ANK3: variants seen among roughly 807,000 people sequenced by gnomAD.
ANK3 encodes ankyrin-3.
Under a neutral mutation model 370.9 loss-of-function variants are expected in ANK3, and 57 were observed. The observed-to-expected ratio is 0.15, with a 90% CI of 0.12 to 0.19. The LOEUF is 0.19. Among genes scored for constraint, ANK3 ranks in the 10% least tolerant of loss-of-function variants. The probability of loss-of-function intolerance (pLI) is 1.00; values close to 1 mark genes in which losing one functional copy is unlikely to be tolerated. For missense variants in ANK3, 4,439 were observed against 5,302.1 expected, an observed-to-expected ratio of 0.84 and a Z score of 5.06; for synonymous variants, 1,929 against 1,946.3, an observed-to-expected ratio of 0.99 and a Z score of 0.23.
Position 60,055,903 on chromosome 10 carries a change from C to T in ANK3, c.12820G>A (p.Val4274Ile). 6.2e-7 allele frequency: 1 copy of T among 1,614,176 alleles called. No individual in the cohort carries two copies. The change falls in exon 42 of 44, where the codon GTA (valine) becomes ATA (isoleucine). Residue 4274 changes from valine (V) to isoleucine (I), a missense_variant. Val to Ile is a conservative substitution (Grantham distance 29, BLOSUM62 3). Coordinates refer to ENST00000280772, the MANE Select transcript of ANK3 (RefSeq NM_020987.5). ...GTTTCCTTGGTACTCTGTTTTCCTACATCATTTTGGGATTCTGGAAAGTAA... is the reference window on the plus strand; with the variant it reads ...GTTTCCTTGGTACTCTGTTTTCCTATATCATTTTGGGATTCTGGAAAGTAA... ...KSYFPESQND[V>I]GKQSTKETLK...
chr10:60,542,583 T>A (rs1026326666), intron 2 of ANK3, among the ~76,000 whole-genome samples: 2 of 152,046 alleles, frequency 1.3e-5, no homozygotes. Context: ...AGCCATTTGA[T>A]CAATAAAGTA....
intron 2 of ANK3, among the ~76,000 whole-genome samples, chr10:60,496,281 A>C (rs1401384355): frequency 6.6e-6 from 1 of 152,186 alleles, no homozygotes; most frequent in Non-Finnish European, 1.5e-5. Context: ...ATTGGGGCAT[A>C]ATAAAAATGT....
At chr10:60,671,335 A>T (rs2133381581) in intron 1 of ANK3, among the ~76,000 whole-genome samples, 1 of 152,200 alleles carries the variant, frequency 6.6e-6, no homozygotes, top group Admixed American at 6.5e-5. Context: ...GGAGGTCCCT[A>T]CACAGGATCT....
intron 2 of ANK3, among the ~76,000 whole-genome samples, chr10:60,592,510 A>G (rs2077930134): frequency 6.6e-6 from 1 of 152,222 alleles, no homozygotes; most frequent in Non-Finnish European, 1.5e-5. Flanking sequence ...CTGTAATCCC[A>G]GCTCTTTGGG....
chr10:60,589,855 G>A (rs1008384581), intron 2 of ANK3, among the ~76,000 whole-genome samples: 5 of 152,128 alleles, frequency 3.3e-5, no homozygotes, highest in South Asian at 2.1e-4. Flanking sequence ...GCTAAATTGC[G>A]ATTGGTTTTC....
chr10:60,234,735 C>T lies in ANK3; in HGVS notation c.850G>A (p.Val284Ile). The part of the protein sequence containing the change: ...VASKRGNANM[V>I]KLLLDRGAKI... ...GCTCCTCGATCGAGCAATAGTTTTA[C>T]CATATTTGCATTTCCTCTTTTTGAT... The change falls in exon 8 of 44, where the codon GTA becomes ATA. Residue 284 changes from valine to isoleucine, a missense_variant. Around this residue, in one of 13 missense-constraint regions of ANK3, gnomAD observed 227 missense variants for 377.6 expected, o/e 0.60. Coordinates refer to ENST00000280772, the MANE Select transcript of ANK3 (RefSeq NM_020987.5). 1 of 1,613,614 alleles carries T rather than the reference C, an allele frequency of 6.2e-7. No individual in the cohort carries two copies. Among genetic ancestry groups the T allele is most frequent in the Middle Eastern group, 1.7e-4 (1 of 6,060 alleles).
At chr10:60,588,901 C>T (rs749039468) in intron 2 of ANK3, among the ~76,000 whole-genome samples, 1 of 152,052 alleles carries the variant, frequency 6.6e-6, no homozygotes, top group Non-Finnish European at 1.5e-5. Context: ...CAGAGTGAGA[C>T]CCTGTCTCAA....
At position 60,064,241 on chromosome 10, in the gene ANK3, G is replaced by A. The variant is rs746915601; in HGVS notation, c.12367C>T (p.Arg4123Cys). ...NFSVDEINQI[R>C]VENPNSLISQ... ...ATTAAAGAATTTGGATTTTCCACAC[G>A]TATTTGATTGATTTCATCCACTGAA... The change falls in exon 39 of 44, where the codon CGT becomes TGT. Residue 4123 changes from arginine to cysteine, a missense_variant. Transcript: ENST00000280772. 5.7e-6 allele frequency: 9 copies of A among 1,580,582 alleles called. No individual in the cohort carries two copies. Among genetic ancestry groups the A allele is most frequent in the Admixed American group, 2.0e-5 (1 of 51,178 alleles).
intron 1 of ANK3, among the ~76,000 whole-genome samples, chr10:60,652,307 T>C (rs1300139780): frequency 6.6e-6 from 1 of 151,980 alleles, no homozygotes; most frequent in East Asian, 1.9e-4. Context: ...GTGGCTGAGC[T>C]AGGACGATCA....
At chr10:60,718,528 GA>G (rs537567141) in intron 1 of ANK3, among the ~76,000 whole-genome samples, 75 of 146,760 alleles carry the variant, frequency 5.1e-4, no homozygotes, top group South Asian at 4.4e-4. Context: ...AACATAGAAG[GA>G]AAAAAAAAAG....
At chr10:60,319,301 C>G (rs184026533) in intron 1 of ANK3, among the ~76,000 whole-genome samples, 1 of 152,154 alleles carries the variant, frequency 6.6e-6, no homozygotes, top group African/African-American at 2.4e-5. Flanking sequence ...TATTATTATC[C>G]TTCTTTAATA....
chr10:60,639,198 A>C (rs943461111), intron 1 of ANK3, among the ~76,000 whole-genome samples: 19 of 151,924 alleles, frequency 1.3e-4, no homozygotes, highest in Non-Finnish European at 2.8e-4. Context: ...AAACCAAGCA[A>C]ACAGGAAGAT....
intron 21 of ANK3, among the ~76,000 whole-genome samples, chr10:60,171,885 A>G (rs989629089): frequency 6.6e-6 from 1 of 152,244 alleles, no homozygotes; most frequent in African/African-American, 2.4e-5. Flanking sequence ...ATTTTTTTAC[A>G]GGAATGATAA....
chr10:60,648,566 C>T (rs1163502478), intron 1 of ANK3, among the ~76,000 whole-genome samples: 2 of 147,682 alleles, frequency 1.4e-5, no homozygotes, highest in African/African-American at 2.5e-5. Flanking sequence ...GTCAGGAGTT[C>T]GAGACCAGCC....
chr10:60,312,512 T>C (rs991731448), intron 1 of ANK3, among the ~76,000 whole-genome samples: 3 of 152,296 alleles, frequency 2.0e-5, no homozygotes, highest in East Asian at 1.9e-4. Context: ...CTCTTACCTA[T>C]GGACATTGTC....
intron 23 of ANK3, among the ~76,000 whole-genome samples, chr10:60,156,848 A>T (rs2095344360): frequency 6.6e-6 from 1 of 152,160 alleles, no homozygotes; most frequent in Admixed American, 6.5e-5. Flanking sequence ...TACTGTGAAG[A>T]CTGGAATAAA....
chr10:60,119,159 C>G (rs2093312304), intron 25 of ANK3, among the ~76,000 whole-genome samples: 3 of 152,170 alleles, frequency 2.0e-5, no homozygotes, highest in Admixed American at 2.0e-4. Flanking sequence ...GGTTTATGAG[C>G]AGACGTAACT....
chr10:60,150,531 A>G (rs1462602814), intron 23 of ANK3, among the ~76,000 whole-genome samples: 2 of 152,038 alleles, frequency 1.3e-5, no homozygotes, highest in Non-Finnish European at 2.9e-5. Flanking sequence ...CACATGTTGA[A>G]ATTTGAGCCC....
chr10:60,625,242 T>C (rs923974767), intron 1 of ANK3, among the ~76,000 whole-genome samples: 2 of 151,836 alleles, frequency 1.3e-5, no homozygotes, highest in African/African-American at 4.8e-5. Context: ...TGCAGAGCAG[T>C]GGGGACTTTA....
Sources: gnomAD v4.1 joint callset for allele counts (sites outside exome capture counted in the v4.1 genomes callset) on GRCh38, gnomAD v4.1.1 for gene constraint, gnomAD v4.1.1 regional missense constraint, MANE v1.5 for transcripts, NCBI Gene and HGNC (gene_info 2026-07-23, HGNC 2026-07-21) for gene names.